The following CTNNA2 variants were observed in gnomAD, a reference collection of about 807,000 sequenced individuals.
CTNNA2 encodes the protein catenin alpha 2, also known as catenin alpha-2.
In CTNNA2, 42 loss-of-function variants were observed where a neutral mutation model predicts 101.0. The ratio of observed to expected loss-of-function variants is 0.42; its 90% CI spans 0.32 to 0.54. CTNNA2 has a LOEUF of 0.54. Among genes scored for constraint, CTNNA2 ranks in the 20% least tolerant of loss-of-function variants. The pLI is 0.14. For missense variants in CTNNA2, 871 were observed against 1,223.1 expected, an observed-to-expected ratio of 0.71 and a Z score of 4.29; for synonymous variants, 450 against 456.4, an observed-to-expected ratio of 0.99 and a Z score of 0.18.
At chr2:79,804,653 T>G (rs1558943468) in intron 3 of CTNNA2, among the ~76,000 whole-genome samples, 1 of 152,270 alleles carries the variant, frequency 6.6e-6, no homozygotes, top group Admixed American at 6.5e-5. Context: ...ACCTACTATT[T>G]TTTTTATATA....
chr2:80,261,511 T>C (rs904246271), intron 7 of CTNNA2, among the ~76,000 whole-genome samples: 5 of 152,092 alleles, frequency 3.3e-5, no homozygotes, highest in Non-Finnish European at 5.9e-5. Context: ...TATTTCTATG[T>C]AATAGGAGAG....
intron 1 of CTNNA2, among the ~76,000 whole-genome samples, chr2:79,609,046 CAGA>C (rs1445047469): frequency 1.3e-5 from 2 of 151,790 alleles, no homozygotes; most frequent in Non-Finnish European, 2.9e-5. Flanking sequence ...TTGTGGTATA[CAGA>C]AGAAATCAAA....
At chr2:79,409,645 T>C (rs1257009557) in intron 4 of CTNNA2, among the ~76,000 whole-genome samples, 2 of 150,648 alleles carry the variant, frequency 1.3e-5, no homozygotes, top group East Asian at 2.0e-4. Context: ...CTCTGTTCTG[T>C]TCCATTGATC....
intron 4 of CTNNA2, among the ~76,000 whole-genome samples, chr2:79,376,504 CT>C (rs1300971535): frequency 6.8e-6 from 1 of 147,888 alleles, no homozygotes; most frequent in Non-Finnish European, 1.5e-5. Context: ...TTTTATTATA[CT>C]TTAAGTTTTA....
At chr2:80,343,841 T>G (rs574838582) in intron 7 of CTNNA2, among the ~76,000 whole-genome samples, 2 of 152,204 alleles carry the variant, frequency 1.3e-5, no homozygotes, top group Non-Finnish European at 2.9e-5. Flanking sequence ...CTAAACAATA[T>G]TCTGTGGCAT....
chr2:79,348,710 G>A (rs967435802), intron 3 of CTNNA2, among the ~76,000 whole-genome samples: 2 of 152,202 alleles, frequency 1.3e-5, no homozygotes. Context: ...GGTAATCAAG[G>A]CAATAGTACT....
intron 7 of CTNNA2, among the ~76,000 whole-genome samples, chr2:80,023,565 G>T (rs1694723154): frequency 6.6e-6 from 1 of 152,094 alleles, no homozygotes; most frequent in Non-Finnish European, 1.5e-5. Context: ...AAGTACGTAG[G>T]ACTTTGTGGG....
chr2:80,018,690 A>G (rs1694328101), intron 7 of CTNNA2, among the ~76,000 whole-genome samples: 1 of 151,382 alleles, frequency 6.6e-6, no homozygotes, highest in African/African-American at 2.4e-5. Flanking sequence ...CTGAGGCAGG[A>G]GAATCGTTTG....
intron 7 of CTNNA2, among the ~76,000 whole-genome samples, chr2:80,233,066 T>C (rs1709348876): frequency 6.6e-6 from 1 of 152,220 alleles, no homozygotes; most frequent in Non-Finnish European, 1.5e-5. Flanking sequence ...AGAGAATTAC[T>C]CTTTAGTTGC....
intron 9 of CTNNA2, among the ~76,000 whole-genome samples, chr2:80,489,224 A>G (rs966091116): frequency 2.0e-5 from 3 of 152,344 alleles, no homozygotes; most frequent in Middle Eastern, 3.4e-3. Flanking sequence ...CTTTTAAATC[A>G]TGTTCACAAT....
chr2:79,906,755 A>C (rs756379646), intron 6 of CTNNA2, among the ~76,000 whole-genome samples: 1 of 152,184 alleles, frequency 6.6e-6, no homozygotes, highest in Non-Finnish European at 1.5e-5. Context: ...TAGATAATTC[A>C]TGCGTTTTAA....
chr2:79,686,808 T>A (rs1203440936), intron 2 of CTNNA2, among the ~76,000 whole-genome samples: 2 of 152,032 alleles, frequency 1.3e-5, no homozygotes, highest in Non-Finnish European at 2.9e-5. Context: ...GTGTCCCAAT[T>A]TGAAAAAAAT....
chr2:79,712,040 T>C (rs1685771149), intron 2 of CTNNA2, among the ~76,000 whole-genome samples: 2 of 152,200 alleles, frequency 1.3e-5, no homozygotes, highest in South Asian at 2.1e-4. Context: ...AACATTATAC[T>C]GTTCATGAGG....
intron 3 of CTNNA2, among the ~76,000 whole-genome samples, chr2:79,770,338 C>T (rs1673484247): frequency 6.6e-6 from 1 of 152,086 alleles, no homozygotes; most frequent in African/African-American, 2.4e-5. Context: ...CTCTAAATTG[C>T]AGAAAATTAA....
intron 7 of CTNNA2, among the ~76,000 whole-genome samples, chr2:80,316,077 T>A (rs1019590257): frequency 1.3e-5 from 2 of 152,182 alleles, no homozygotes; most frequent in African/African-American, 4.8e-5. Flanking sequence ...TGCTATCTTC[T>A]CTTGTTGAGT....
At chr2:80,216,103 T>A (rs760862720) in intron 7 of CTNNA2, among the ~76,000 whole-genome samples, 1 of 152,162 alleles carries the variant, frequency 6.6e-6, no homozygotes, top group Non-Finnish European at 1.5e-5. Context: ...TTGCTAAGAC[T>A]GTTGGAAAAG....
At chr2:79,273,460 A>G (rs1675135260) in intron 2 of CTNNA2, among the ~76,000 whole-genome samples, 7 of 152,114 alleles carry the variant, frequency 4.6e-5, no homozygotes, top group Admixed American at 4.6e-4. Context: ...GGAAACAAAG[A>G]GATCATTCTA....
chr2:80,172,266 T>C (rs557191877), intron 7 of CTNNA2, among the ~76,000 whole-genome samples: 24 of 152,226 alleles, frequency 1.6e-4, no homozygotes, highest in Non-Finnish European at 2.2e-4. Flanking sequence ...TGAACTGCCT[T>C]GAGCTTTACT....
intron 7 of CTNNA2, among the ~76,000 whole-genome samples, chr2:80,114,849 C>T (rs929484364): frequency 1.3e-5 from 2 of 152,148 alleles, no homozygotes; most frequent in Admixed American, 1.3e-4. Flanking sequence ...TCCATGGTTT[C>T]CATCAAAGAT....
Sources: gnomAD v4.1 joint callset for allele counts (sites outside exome capture counted in the v4.1 genomes callset) on GRCh38, gnomAD v4.1.1 for gene constraint, MANE v1.5 for transcripts, NCBI Gene and HGNC (gene_info 2026-07-23, HGNC 2026-07-21) for gene names.